Variants in ITGB3BP observed in about 807,000 individuals in gnomAD.
ITGB3BP encodes the protein integrin subunit beta 3 binding protein, also known as centromere protein R.
In ITGB3BP, 27 loss-of-function variants were observed where a neutral mutation model predicts 29.1. The observed-to-expected ratio is 0.93, with a 90% CI of 0.68 to 1.28. The LOEUF (loss-of-function observed/expected upper bound fraction) is 1.28. Among genes scored for constraint, ITGB3BP ranks in the 50% most tolerant of loss-of-function variants. The probability of loss-of-function intolerance (pLI) is 0.00; values close to 1 mark genes in which losing one functional copy is unlikely to be tolerated. For missense variants in ITGB3BP, 192 were observed against 200.2 expected (o/e 0.96, Z 0.25); for synonymous variants, 61 against 61.4 (o/e 0.99, Z 0.03).
chr1:63,483,999 T>C (rs796671105), intron 3 of ITGB3BP, among the ~76,000 whole-genome samples: 3 of 152,270 alleles, frequency 2.0e-5, no homozygotes, highest in African/African-American at 7.2e-5. Flanking sequence ...GGTATCCCCA[T>C]TGTTAAGTGA....
intron 2 of ITGB3BP, among the ~76,000 whole-genome samples, chr1:63,492,104 A>G (rs1278828348): frequency 6.6e-6 from 1 of 152,146 alleles, no homozygotes; most frequent in Non-Finnish European, 1.5e-5. Context: ...CCATATGTCT[A>G]AACATTTTAA....
chr1:63,473,618 T>TG (rs1645259535), intron 4 of ITGB3BP, among the ~76,000 whole-genome samples: 5 of 70,996 alleles, frequency 7.0e-5, no homozygotes, highest in Admixed American at 1.3e-4. Flanking sequence ...GGGAGGGAGG[T>TG]GGGGGGGTCA....
At chr1:63,527,446 C>T (rs1366422121), upstream of ITGB3BP, among the ~76,000 whole-genome samples, 1 of 134,900 alleles carries the variant, frequency 7.4e-6, no homozygotes, top group Non-Finnish European at 1.6e-5. Flanking sequence ...CACTTATGTG[C>T]ATTTCCATTT....
intron 3 of ITGB3BP, among the ~76,000 whole-genome samples, chr1:63,487,792 C>G (rs954419940): frequency 6.6e-6 from 1 of 152,092 alleles, no homozygotes; most frequent in African/African-American, 2.4e-5. Context: ...TATAATTGTA[C>G]ATGCTACACT....
upstream of ITGB3BP, among the ~76,000 whole-genome samples, chr1:63,527,445 G>T (rs931316026): frequency 7.7e-6 from 1 of 129,104 alleles, no homozygotes; most frequent in Non-Finnish European, 1.7e-5. Context: ...CCACTTATGT[G>T]CATTTCCATT....
intron 4 of ITGB3BP, among the ~76,000 whole-genome samples, chr1:63,459,335 A>G (rs1163850314): frequency 2.0e-5 from 3 of 152,206 alleles, no homozygotes; most frequent in African/African-American, 4.8e-5. Flanking sequence ...TTCTATTACT[A>G]AAAGCTATTA....
chr1:63,454,414 G>T lies in ITGB3BP; in HGVS notation c.393C>A (p.Phe131Leu). 1 of 1,601,650 alleles carries T rather than the reference G, an allele frequency of 6.2e-7. No homozygotes were observed. Among genetic ancestry groups the T allele is most frequent in the Non-Finnish European group, 8.5e-7 (1 of 1,171,750 alleles). The part of the protein sequence containing the change: ...NLIGISCASH[F>L]LKREMQKTKE... ...TGGTTTTCTGCATTTCTCTTTTTAA[G>T]AAATGTGATGCACAGGAGATTCCAA... The change falls in exon 6 of 9, where the codon TTC (phenylalanine) becomes TTA (leucine). Residue 131 changes from phenylalanine (F) to leucine (L), a missense_variant. Phe to Leu is a conservative substitution (Grantham distance 22). Transcript: ENST00000271002. This position sits in a 1 kb window ranked among gnomAD's most constrained non-coding sequence, Gnocchi z 4.1.
chr1:63,520,344 G>T (rs1646419895), intron 1 of ITGB3BP, among the ~76,000 whole-genome samples: 1 of 152,124 alleles, frequency 6.6e-6, no homozygotes, highest in Non-Finnish European at 1.5e-5. Context: ...CAAAGTCCAT[G>T]ATTTTTCCAC....
chr1:63,502,199 G>A (rs77007947), intron 2 of ITGB3BP, among the ~76,000 whole-genome samples: 2,728 of 152,176 alleles, frequency 0.018, 27 homozygotes, highest in Non-Finnish European at 0.029. Context: ...ACAATGCTTG[G>A]AGAGCAACAA....
chr1:63,493,097 C>CGCGCGCGCGA (rs1645699070), intron 2 of ITGB3BP, among the ~76,000 whole-genome samples: 2 of 151,112 alleles, frequency 1.3e-5, no homozygotes, highest in Non-Finnish European at 2.9e-5. Context: ...CACGCGCGCG[C>CGCGCGCGCGA]GCGCAAGAAA....
chr1:63,522,068 G>T (rs1442538126), intron 1 of ITGB3BP, among the ~76,000 whole-genome samples: 1 of 152,214 alleles, frequency 6.6e-6, no homozygotes, highest in Admixed American at 6.5e-5. Flanking sequence ...AAGGGCATCA[G>T]TAAAACATGC....
intron 4 of ITGB3BP, among the ~76,000 whole-genome samples, chr1:63,474,348 G>T (rs1318484657): frequency 6.7e-6 from 1 of 149,084 alleles, no homozygotes; most frequent in African/African-American, 2.4e-5. Flanking sequence ...GCCCCTACTG[G>T]GAAGTGGGGA....
chr1:63,452,970 T>C (rs546552671), intron 7 of ITGB3BP, among the ~76,000 whole-genome samples: 30 of 152,322 alleles, frequency 2.0e-4, no homozygotes, highest in African/African-American at 6.7e-4. Flanking sequence ...GCTAAGATGA[T>C]TGGATGATTT....
In ITGB3BP at chr1:63,506,419, T is replaced by C. The variant is rs1230784346; in HGVS notation, c.48+2109A>G. 4.6e-5 allele frequency among the ~76,000 whole-genome samples: 7 copies of C among 152,136 alleles called. No homozygotes were observed. The East Asian group carries it at 1.2e-3, about 25-fold the overall frequency. ...AAAGTGGAAACCCCTGATAAAACCA[T>C]CAGGTCTAGTGAGCCTTATTCACTA... is the stretch of plus-strand genomic sequence containing the variant. On this transcript the variant is annotated intron_variant, in intron 2 of 8. Transcript: ENST00000271002.
chr1:63,487,745 CA>C (rs952075119), intron 3 of ITGB3BP, among the ~76,000 whole-genome samples: 1 of 152,090 alleles, frequency 6.6e-6, no homozygotes, highest in African/African-American at 2.4e-5. Flanking sequence ...TTGAACAAAA[CA>C]TCATTATGTA....
At chr1:63,504,418 C>T (rs530991525) in intron 2 of ITGB3BP, among the ~76,000 whole-genome samples, 29 of 151,930 alleles carry the variant, frequency 1.9e-4, no homozygotes, top group Non-Finnish European at 3.2e-4. Flanking sequence ...TGGGCTGAGA[C>T]GATGGGGTTT....
intron 2 of ITGB3BP, among the ~76,000 whole-genome samples, chr1:63,507,456 T>C (rs1646105991): frequency 6.6e-6 from 1 of 152,118 alleles, no homozygotes; most frequent in Non-Finnish European, 1.5e-5. Context: ...TTAAACAATG[T>C]TACCATCTCC....
chr1:63,486,858 CAG>C (rs1645540808), intron 3 of ITGB3BP, among the ~76,000 whole-genome samples: 1 of 151,954 alleles, frequency 6.6e-6, no homozygotes, highest in South Asian at 2.1e-4. Context: ...ATTACTTGTG[CAG>C]AGATTATCAG....
chr1:63,515,073 C>A (rs527664920), intron 1 of ITGB3BP, among the ~76,000 whole-genome samples: 1 of 152,064 alleles, frequency 6.6e-6, no homozygotes, highest in South Asian at 2.1e-4. Flanking sequence ...TTGCTTTCCG[C>A]GTCTTGCCTG....
Sources: gnomAD v4.1 joint callset for allele counts (sites outside exome capture counted in the v4.1 genomes callset) on GRCh38, gnomAD v4.1.1 for gene constraint, Gnocchi (gnomAD v3.1) non-coding constraint, MANE v1.5 for transcripts, NCBI Gene and HGNC (gene_info 2026-07-23, HGNC 2026-07-21) for gene names.